Variants in PCDHA2 observed in about 807,000 individuals in gnomAD.
The protein encoded by PCDHA2 is protocadherin alpha 2.
Under a neutral mutation model 66.0 loss-of-function variants are expected in PCDHA2, and 58 were observed. The ratio of observed to expected loss-of-function variants is 0.88; its 90% CI spans 0.71 to 1.09. The LOEUF is 1.09. PCDHA2 is among the 50% of genes least tolerant of loss of function. The pLI is 0.00. For missense variants in PCDHA2, 1,267 were observed against 1,242.3 expected, an observed-to-expected ratio of 1.02 and a Z score of -0.30; for synonymous variants, 634 against 554.0, an observed-to-expected ratio of 1.14 and a Z score of -2.03.
intron 1 of PCDHA2, among the ~76,000 whole-genome samples, chr5:140,844,413 A>C (rs1581068328): frequency 6.7e-6 from 1 of 149,462 alleles, no homozygotes; most frequent in South Asian, 2.1e-4. Flanking sequence ...ATTTGGAGAC[A>C]TGTTTTTTAT....
chr5:140,829,901 A>T lies in PCDHA2; in HGVS notation c.2388+32549A>T, dbSNP rs2150177337. 19 of 1,613,992 alleles carry T rather than the reference A, an allele frequency of 1.2e-5. No individual in the cohort carries two copies. In the East Asian group the frequency reaches 4.2e-4, roughly 36 times the overall value. ...CGCAGTTGACGCCGACTCAGGCTAC[A>T]ACGCGTGGCTTTCGTATGAGCTGCA... On this transcript the variant is annotated intron_variant, in intron 1 of 3. Coordinates refer to ENST00000526136, the MANE Select transcript of PCDHA2 (RefSeq NM_018905.3).
chr5:140,851,112 C>A lies in PCDHA2; in HGVS notation c.2388+53760C>A. On this transcript the variant is annotated intron_variant, in intron 1 of 3. Coordinates refer to ENST00000526136, the MANE Select transcript of PCDHA2 (RefSeq NM_018905.3). ...AATAGATATTTTTTGGGTGCTGAAT[C>A]AATTTTATTTAAATTTGTGATTAAA... The A allele has an allele frequency of 5.4e-6, 7 of 1,301,380 alleles. 1 individual carries two copies. The highest frequency in any genetic ancestry group is 7.0e-6 in the Non-Finnish European group (7 of 1,004,338). 80.6% of individuals were successfully genotyped at this position (1,301,380 alleles called of 1,614,324 possible). A position where few individuals can be genotyped will look rare whatever the true frequency, so the allele number is the denominator to read the frequency against.
chr5:140,922,074 CA>C (rs1554200639), intron 1 of PCDHA2, among the ~76,000 whole-genome samples: 1 of 151,892 alleles, frequency 6.6e-6, no homozygotes, highest in Non-Finnish European at 1.5e-5. Flanking sequence ...TCCCACTAAG[CA>C]AAAAGTGGTA....
At chr5:140,808,911 G>A (rs1554124881) in intron 1 of PCDHA2, 21 of 1,613,574 alleles carry the variant, frequency 1.3e-5, no homozygotes, top group South Asian at 6.6e-5. Flanking sequence ...GGCACTGGTG[G>A]CGCAGTGAGC....
At chr5:140,851,384 C>T (rs1414767152) in intron 1 of PCDHA2, 1 of 975,562 alleles carries the variant, frequency 1.0e-6, no homozygotes, top group East Asian at 1.1e-4. Flanking sequence ...CAGCAACCTT[C>T]AGTATCTATT....
chr5:140,867,059 TTATA>T (rs782538902), intron 1 of PCDHA2: 1 of 152,152 alleles, frequency 6.6e-6, no homozygotes, highest in Non-Finnish European at 1.5e-5. Flanking sequence ...CAGTACTACT[TTATA>T]TATTCACAAA....
chr5:140,839,374 AATT>A lies in PCDHA2; in HGVS notation c.2388+42028_2388+42030del, dbSNP rs2150296854. Among the ~76,000 whole-genome samples the A allele has an allele frequency of 6.0e-3, 174 of 29,192 alleles. 2 individuals carry two copies. In the South Asian group the frequency reaches 0.16, roughly 27 times the overall value. The allele number at this position is 29,192 out of a possible 152,430, so 19.2% of individuals were successfully genotyped here. On this transcript the variant is annotated intron_variant, in intron 1 of 3. Coordinates refer to ENST00000526136, the MANE Select transcript of PCDHA2 (RefSeq NM_018905.3). ...CTTAGCCACCTAAGCTGTATTCATC[AATT>A]ATTATGATGATGATGATGATTATTA...
At chr5:140,813,618 A>G (rs1380677794) in intron 1 of PCDHA2, 1 of 152,222 alleles carries the variant, frequency 6.6e-6, no homozygotes, top group East Asian at 1.9e-4. Flanking sequence ...TGGTGAGTGA[A>G]TGTGAAGGCC....
At chr5:140,821,823 C>G (rs2150110880) in intron 1 of PCDHA2, 25 of 1,613,970 alleles carry the variant, frequency 1.5e-5, no homozygotes, top group African/African-American at 2.7e-5. Context: ...TCCTGCTGCT[C>G]TGGCTTCTCC....
At chr5:140,830,213 T>C in intron 1 of PCDHA2, 1 of 1,613,804 alleles carries the variant, frequency 6.2e-7, no homozygotes, top group Non-Finnish European at 8.5e-7. Flanking sequence ...CTGCGCGGTA[T>C]CCAGCCTGCT....
chr5:140,922,560 G>A (rs2080886484), intron 1 of PCDHA2, among the ~76,000 whole-genome samples: 4 of 152,146 alleles, frequency 2.6e-5, no homozygotes, highest in Admixed American at 2.6e-4. Flanking sequence ...GAAAAGTCAG[G>A]ATGACAAGTT....
intron 1 of PCDHA2, among the ~76,000 whole-genome samples, chr5:140,922,161 A>C (rs1381544563): frequency 1.4e-5 from 2 of 147,172 alleles, no homozygotes; most frequent in African/African-American, 2.5e-5. Flanking sequence ...CAAAAACAAC[A>C]AAAAGTACAG....
intron 1 of PCDHA2, chr5:140,802,821 G>T: frequency 1.9e-6 from 3 of 1,613,484 alleles, no homozygotes; most frequent in African/African-American, 1.3e-5. Context: ...CGATGCGGGC[G>T]TGCCGCCTCT....
chr5:140,801,983 G>T (rs1762826046), intron 1 of PCDHA2: 1 of 1,614,108 alleles, frequency 6.2e-7, no homozygotes, highest in South Asian at 1.1e-5. Context: ...CCCTAGTGGT[G>T]ACCGTTAACG....
intron 1 of PCDHA2, among the ~76,000 whole-genome samples, chr5:140,921,582 A>G (rs1451313725): frequency 6.6e-6 from 1 of 152,200 alleles, no homozygotes; most frequent in Non-Finnish European, 1.5e-5. Context: ...AGCTCATACT[A>G]TATTATGGTT....
At chr5:140,850,480 C>G in intron 1 of PCDHA2, 1 of 1,597,900 alleles carries the variant, frequency 6.3e-7, no homozygotes, top group Non-Finnish European at 8.6e-7. Flanking sequence ...CTGACGGCCA[C>G]GGCCACTGTG....
intron 1 of PCDHA2, chr5:140,870,710 C>T (rs782716335): frequency 6.2e-7 from 1 of 1,613,092 alleles, no homozygotes; most frequent in South Asian, 1.1e-5. Flanking sequence ...CAGGTGAGCG[C>T]GCGCGATGCG....
At chr5:140,808,056 A>T (rs1393234929) in intron 1 of PCDHA2, 21 of 1,613,972 alleles carry the variant, frequency 1.3e-5, no homozygotes, top group Non-Finnish European at 1.5e-5. Flanking sequence ...CCAAATGTGA[A>T]ATCCAAGTTT....
At chr5:140,841,181 C>A (rs1777072934) in intron 1 of PCDHA2, 2 of 1,156,492 alleles carry the variant, frequency 1.7e-6, no homozygotes, top group Non-Finnish European at 2.4e-6. Flanking sequence ...GGTCAATGTT[C>A]AAAGTCTTTT....
Sources: gnomAD v4.1 joint callset for allele counts (sites outside exome capture counted in the v4.1 genomes callset) on GRCh38, gnomAD v4.1.1 for gene constraint, MANE v1.5 for transcripts, NCBI Gene and HGNC (gene_info 2026-07-23, HGNC 2026-07-21) for gene names.